BNC2: variants seen among roughly 807,000 people sequenced by gnomAD.
BNC2 encodes the protein zinc finger protein basonuclin-2.
A neutral mutation model predicts 76.3 loss-of-function variants in BNC2; 20 were observed. The observed-to-expected ratio is 0.26, with a 90% CI of 0.18 to 0.38. The LOEUF (loss-of-function observed/expected upper bound fraction) is 0.38, where lower values mean the gene tolerates loss of function less well. BNC2 is among the 10% of genes least tolerant of loss of function. BNC2 has a pLI of 1.00. For synonymous variants in BNC2, 582 were observed against 514.8 expected (o/e 1.13, Z -1.77); for missense variants, 1,382 against 1,399.8 (o/e 0.99, Z 0.20).
At chr9:16,499,520 C>A (rs1042202835) in intron 5 of BNC2, among the ~76,000 whole-genome samples, 9 of 126,190 alleles carry the variant, frequency 7.1e-5, no homozygotes, top group African/African-American at 2.5e-4. Context: ...CCCTAAATAT[C>A]TTTTTTTTTC....
intron 1 of BNC2, among the ~76,000 whole-genome samples, chr9:16,814,033 C>T (rs190462125): frequency 1.9e-4 from 29 of 152,236 alleles, no homozygotes; most frequent in South Asian, 4.2e-4. Flanking sequence ...CCTGATTATG[C>T]AATATATGCT....
At chr9:16,842,484 G>A (rs1307002788) in intron 1 of BNC2, among the ~76,000 whole-genome samples, 1 of 152,100 alleles carries the variant, frequency 6.6e-6, no homozygotes, top group Non-Finnish European at 1.5e-5. Flanking sequence ...GGGCTGGGGA[G>A]GGAGAATGGA....
At chr9:16,847,988 G>T (rs1188924140) in intron 1 of BNC2, among the ~76,000 whole-genome samples, 1 of 152,244 alleles carries the variant, frequency 6.6e-6, no homozygotes, top group East Asian at 1.9e-4. Flanking sequence ...ATATTCCAAA[G>T]CATCCCTTTT....
At chr9:16,679,888 T>A (rs1204751554) in intron 3 of BNC2, among the ~76,000 whole-genome samples, 1 of 152,254 alleles carries the variant, frequency 6.6e-6, no homozygotes, top group African/African-American at 2.4e-5. Flanking sequence ...CCACCACTGG[T>A]ATCCACTGAG....
rs142561622 is a variant in BNC2 at position 16,555,424 on chromosome 9, T to G, written c.434-2659A>C. ...AAGAACAAAAATATTTCCCTAGATA[T>G]GCTTTCGAGAACACCTGAGACTGAG... On this transcript the variant is annotated intron_variant, in intron 4 of 6. Coordinates refer to ENST00000380672, the MANE Select transcript of BNC2 (RefSeq NM_017637.6). Among the ~76,000 whole-genome samples, 317 of 152,270 alleles carry G rather than the reference T, an allele frequency of 2.1e-3. 2 individuals carry two copies. Among genetic ancestry groups the G allele is most frequent in the African/African-American group, 7.2e-3 (300 of 41,538 alleles).
At chr9:16,486,938 G>A (rs528778903) in intron 5 of BNC2, among the ~76,000 whole-genome samples, 210 of 152,148 alleles carry the variant, frequency 1.4e-3, no homozygotes, top group African/African-American at 4.9e-3. Flanking sequence ...CTGGTCTCTC[G>A]GATCATGCAG....
In BNC2 at chr9:16,621,391, T is replaced by G. The variant is rs934605597; in HGVS notation, c.331-38306A>C. 3.3e-5 allele frequency among the ~76,000 whole-genome samples: 5 copies of G among 152,148 alleles called. No homozygotes were observed. In the East Asian group the frequency reaches 9.6e-4, roughly 29 times the overall value. On this transcript the variant is annotated intron_variant, in intron 3 of 6. Transcript: ENST00000380672. ...GTTAGCAAAACTGAGACAGTATGGC[T>G]TCACAGGGAGTAAAGTGACGAAGGA...
intron 3 of BNC2, among the ~76,000 whole-genome samples, chr9:16,655,444 C>A (rs988872786): frequency 2.6e-5 from 4 of 152,096 alleles, no homozygotes; most frequent in African/African-American, 7.2e-5. Flanking sequence ...GGAAATCTCC[C>A]CTGCAGTGAC....
intron 3 of BNC2, among the ~76,000 whole-genome samples, chr9:16,638,423 A>G (rs1179946695): frequency 1.3e-5 from 2 of 152,176 alleles, no homozygotes; most frequent in Non-Finnish European, 2.9e-5. Context: ...AAATAATTTT[A>G]TATTTTTTAA....
intron 1 of BNC2, among the ~76,000 whole-genome samples, chr9:16,854,241 G>T (rs1819199381): frequency 6.6e-6 from 1 of 152,162 alleles, no homozygotes; most frequent in Non-Finnish European, 1.5e-5. Flanking sequence ...ATTAACCAAT[G>T]TGAAATTAAA....
At chr9:16,518,090 C>G (rs577108040) in intron 5 of BNC2, among the ~76,000 whole-genome samples, 1 of 152,090 alleles carries the variant, frequency 6.6e-6, no homozygotes, top group South Asian at 2.1e-4. Flanking sequence ...ATATATACTT[C>G]GGTGTAGCTT....
chr9:16,591,430 A>T (rs1394251462), intron 3 of BNC2, among the ~76,000 whole-genome samples: 6 of 152,322 alleles, frequency 3.9e-5, no homozygotes, highest in African/African-American at 1.4e-4. Flanking sequence ...TACGGTTTTA[A>T]ACATCCCACA....
chr9:16,617,363 A>G (rs1215685868), intron 3 of BNC2, among the ~76,000 whole-genome samples: 1 of 152,180 alleles, frequency 6.6e-6, no homozygotes, highest in Non-Finnish European at 1.5e-5. Context: ...TATACCTGAT[A>G]AAGAATGTAT....
chr9:16,556,427 G>A (rs1465812916), intron 4 of BNC2, among the ~76,000 whole-genome samples: 1 of 151,912 alleles, frequency 6.6e-6, no homozygotes, highest in Non-Finnish European at 1.5e-5. Context: ...TAAGAGTGTG[G>A]TTTAGGAAGC....
At chr9:16,791,245 T>G (rs1169492176) in intron 1 of BNC2, among the ~76,000 whole-genome samples, 1 of 152,066 alleles carries the variant, frequency 6.6e-6, no homozygotes, top group Non-Finnish European at 1.5e-5. Context: ...GTATTTTTAG[T>G]AGAGACGGGG....
intron 1 of BNC2, among the ~76,000 whole-genome samples, chr9:16,803,428 A>C (rs921629283): frequency 1.3e-5 from 2 of 152,248 alleles, no homozygotes; most frequent in Non-Finnish European, 2.9e-5. Flanking sequence ...GGGCTGGATT[A>C]TCCAGCACAT....
intron 5 of BNC2, among the ~76,000 whole-genome samples, chr9:16,496,857 T>C (rs1822401943): frequency 6.6e-6 from 1 of 152,216 alleles, no homozygotes; most frequent in South Asian, 2.1e-4. Flanking sequence ...GACACCCAGT[T>C]GCTGTTTATA....
chr9:16,674,368 C>T (rs1379310879), intron 3 of BNC2, among the ~76,000 whole-genome samples: 1 of 152,254 alleles, frequency 6.6e-6, no homozygotes, highest in Middle Eastern at 3.4e-3. Flanking sequence ...TGAATCCAGA[C>T]CCACTTACAA....
At chr9:16,860,013 T>G (rs974482765) in intron 1 of BNC2, among the ~76,000 whole-genome samples, 2 of 151,960 alleles carry the variant, frequency 1.3e-5, no homozygotes, top group African/African-American at 4.8e-5. Flanking sequence ...TCCCAGCTAC[T>G]TGGGAGACTC....
Sources: allele counts gnomAD v4.1 joint callset (sites outside exome capture counted in the v4.1 genomes callset), GRCh38; gene constraint gnomAD v4.1.1; transcripts MANE v1.5; gene names NCBI Gene and HGNC (gene_info 2026-07-23, HGNC 2026-07-21).